The following PXDC1 variants were observed in gnomAD, a reference collection of about 807,000 sequenced individuals.
PXDC1 encodes PX domain containing 1.
A neutral mutation model predicts 24.4 loss-of-function variants in PXDC1; 13 were observed. The observed-to-expected ratio is 0.53, with a 90% CI of 0.35 to 0.85. The LOEUF (loss-of-function observed/expected upper bound fraction) is 0.85, where lower values mean the gene tolerates loss of function less well. Ranked by LOEUF, PXDC1 falls within the 40% of genes least tolerant of loss-of-function variation. The pLI is 0.01. For missense variants in PXDC1, 344 were observed against 309.3 expected, an observed-to-expected ratio of 1.11 and a Z score of -0.84; for synonymous variants, 162 against 124.9, an observed-to-expected ratio of 1.30 and a Z score of -1.98.
At position 3,751,433 on chromosome 6, in the gene PXDC1, G is replaced by C. The variant is rs1460579821; in HGVS notation, c.99C>G (p.Gly33=). 1.9e-6 allele frequency: 3 copies of C among 1,589,680 alleles called. No homozygotes were observed. Among genetic ancestry groups the C allele is most frequent in the African/African-American group, 1.3e-5 (1 of 74,264 alleles). The part of the protein sequence containing the change: ...GIRRLIVSRR[G]DEEEFFEIRT... ...GGATCTCGAAGAACTCCTCTTCGTC[G>C]CCGCGCCGGCTGACGATGAGCCTGC... The change falls in exon 1 of 5, where the codon GGC becomes GGG. Residue 33 remains glycine, a synonymous_variant. Coordinates refer to ENST00000380283, the MANE Select transcript of PXDC1 (RefSeq NM_183373.4).
intron 3 of PXDC1, among the ~76,000 whole-genome samples, chr6:3,735,520 A>G (rs1760297411): frequency 6.6e-6 from 1 of 152,214 alleles, no homozygotes; most frequent in Non-Finnish European, 1.5e-5. Context: ...AGAAAGACAA[A>G]TGTCACAAGA....
chr6:3,735,242 T>C (rs1181664146), intron 3 of PXDC1, among the ~76,000 whole-genome samples: 1 of 152,196 alleles, frequency 6.6e-6, no homozygotes, highest in Non-Finnish European at 1.5e-5. Flanking sequence ...AGCATGGTAC[T>C]GGCATAAAAA....
chr6:3,749,962 A>C lies in PXDC1; in HGVS notation c.256+1314T>G, dbSNP rs898682601. On this transcript the variant is annotated intron_variant, in intron 1 of 4. Coordinates refer to ENST00000380283, the MANE Select transcript of PXDC1 (RefSeq NM_183373.4). Reference sequence around the variant, plus strand: ...TTAAATTTAAAATATCATAACAAACAGCAAATCCAAGGAAAACTGCTTCCA... The same window carrying C: ...TTAAATTTAAAATATCATAACAAACCGCAAATCCAAGGAAAACTGCTTCCA... Among the ~76,000 whole-genome samples, 13 of 152,394 alleles carry C rather than the reference A, an allele frequency of 8.5e-5. No individual in the cohort carries two copies. The South Asian group carries it at 2.5e-3, about 29-fold the overall frequency.
intron 4 of PXDC1, among the ~76,000 whole-genome samples, chr6:3,726,535 A>T (rs1022647230): frequency 6.6e-6 from 1 of 152,240 alleles, no homozygotes; most frequent in Non-Finnish European, 1.5e-5. Flanking sequence ...CAGTCCCACA[A>T]GCCTGACAGG....
Position 3,728,816 on chromosome 6 carries a change from C to T in PXDC1, c.467-1154G>A, listed in dbSNP as rs993274714. Among the ~76,000 whole-genome samples, 2 of 152,172 alleles carry T rather than the reference C, an allele frequency of 1.3e-5. No homozygotes were observed. Among genetic ancestry groups the T allele is most frequent in the African/African-American group, 2.4e-5 (1 of 41,434 alleles). On this transcript the variant is annotated intron_variant, in intron 3 of 4. Coordinates refer to ENST00000380283, the MANE Select transcript of PXDC1 (RefSeq NM_183373.4). This position sits in a 1 kb window ranked among gnomAD's most constrained non-coding sequence, Gnocchi z 4.0. ...GGGACCGCGTTTCCGTCCCCTCGCT[C>T]AGCAGATGAGATCTGGTAGCCATGG...
intron 1 of PXDC1, among the ~76,000 whole-genome samples, chr6:3,745,932 G>T (rs1047758195): frequency 6.6e-6 from 1 of 152,244 alleles, no homozygotes; most frequent in Non-Finnish European, 1.5e-5. Context: ...TACGTGGTCT[G>T]TCTGATGTCC....
chr6:3,747,258 T>A (rs1014837784), intron 1 of PXDC1, among the ~76,000 whole-genome samples: 2 of 152,084 alleles, frequency 1.3e-5, no homozygotes, highest in African/African-American at 4.8e-5. Flanking sequence ...ATGTCTGGCC[T>A]TGCAGTGCCC....
At position 3,728,490 on chromosome 6, in the gene PXDC1, G is replaced by A. The variant is rs942239014; in HGVS notation, c.467-828C>T. ...TTTTTTCCCAAATAAGCACAGATTCGGGTAATTTAGAAAAGCCAGCAAAGA... is the reference window on the plus strand; with the variant it reads ...TTTTTTCCCAAATAAGCACAGATTCAGGTAATTTAGAAAAGCCAGCAAAGA... On this transcript the variant is annotated intron_variant, in intron 3 of 4. Coordinates refer to ENST00000380283, the MANE Select transcript of PXDC1 (RefSeq NM_183373.4). The surrounding 1 kb of genome is among the most constrained non-coding windows in gnomAD (Gnocchi z 4.0). Among the ~76,000 whole-genome samples, 2 of 152,184 alleles carry A rather than the reference G, an allele frequency of 1.3e-5. No homozygotes were observed. The highest frequency in any genetic ancestry group is 2.1e-4 in the South Asian group (1 of 4,810).
At chr6:3,740,364 G>A (rs985767693) in intron 1 of PXDC1, among the ~76,000 whole-genome samples, 7 of 152,212 alleles carry the variant, frequency 4.6e-5, no homozygotes, top group African/African-American at 9.6e-5. Context: ...AATAAGACAC[G>A]TGATGCCTAA....
intron 1 of PXDC1, among the ~76,000 whole-genome samples, chr6:3,742,402 T>C (rs1284332728): frequency 1.3e-5 from 2 of 152,258 alleles, no homozygotes; most frequent in African/African-American, 4.8e-5. Context: ...CCAAATATTG[T>C]TGATGGCATG....
intron 1 of PXDC1, among the ~76,000 whole-genome samples, chr6:3,743,820 G>A (rs1045754608): frequency 6.6e-6 from 1 of 152,216 alleles, no homozygotes; most frequent in Non-Finnish European, 1.5e-5. Context: ...ACACCTCCAC[G>A]CTGCAATGCA....
chr6:3,734,698 A>C (rs1159258962), intron 3 of PXDC1, among the ~76,000 whole-genome samples: 1 of 152,166 alleles, frequency 6.6e-6, no homozygotes, highest in East Asian at 1.9e-4. Flanking sequence ...TCTTAGGGAG[A>C]TATCAAAAGC....
intron 1 of PXDC1, among the ~76,000 whole-genome samples, chr6:3,743,224 G>A (rs1180007411): frequency 6.6e-6 from 1 of 152,046 alleles, no homozygotes; most frequent in African/African-American, 2.4e-5. Context: ...GCTGGCTCGG[G>A]TGCGCTGGGA....
chr6:3,744,461 C>G (rs1171751014), intron 1 of PXDC1, among the ~76,000 whole-genome samples: 3 of 152,276 alleles, frequency 2.0e-5, no homozygotes, highest in South Asian at 2.1e-4. Flanking sequence ...CCCCCCCACA[C>G]TCCCGGGCAG....
At chr6:3,727,113 G>A (rs1760087655) in intron 4 of PXDC1, among the ~76,000 whole-genome samples, 1 of 152,222 alleles carries the variant, frequency 6.6e-6, no homozygotes. Flanking sequence ...AGAAAGAGCG[G>A]AGAAGACAGT....
At chr6:3,739,596 C>A (rs993707683) in intron 1 of PXDC1, among the ~76,000 whole-genome samples, 2 of 152,244 alleles carry the variant, frequency 1.3e-5, no homozygotes, top group Non-Finnish European at 1.5e-5. Context: ...TACGCCCAAG[C>A]ACGATGCCCT....
chr6:3,748,267 G>C (rs1760612704), intron 1 of PXDC1, among the ~76,000 whole-genome samples: 3 of 152,108 alleles, frequency 2.0e-5, no homozygotes, highest in South Asian at 4.1e-4. Context: ...ATATCCCCAG[G>C]AAACAGCTAC....
intron 1 of PXDC1, among the ~76,000 whole-genome samples, chr6:3,750,192 A>G (rs1760669063): frequency 6.6e-6 from 1 of 152,256 alleles, no homozygotes; most frequent in Admixed American, 6.5e-5. Context: ...AGGGGAAAGC[A>G]CAGGTTATCT....
At chr6:3,729,965 G>A (rs937914452) in intron 3 of PXDC1, among the ~76,000 whole-genome samples, 4 of 152,134 alleles carry the variant, frequency 2.6e-5, no homozygotes, top group South Asian at 2.1e-4. Context: ...TCTATAAAAC[G>A]GAGTCATTAC....
Sources: allele counts gnomAD v4.1 joint callset (sites outside exome capture counted in the v4.1 genomes callset), GRCh38; gene constraint gnomAD v4.1.1; non-coding constraint Gnocchi (gnomAD v3.1); transcripts MANE v1.5; gene names NCBI Gene and HGNC (gene_info 2026-07-23, HGNC 2026-07-21).